VIL1: variants seen among roughly 807,000 people sequenced by gnomAD.
VIL1 encodes the protein villin 1.
A neutral mutation model predicts 104.0 loss-of-function variants in VIL1; 86 were observed. The ratio of observed to expected loss-of-function variants is 0.83; its 90% CI spans 0.69 to 0.99. The LOEUF is 0.99. Among genes scored for constraint, VIL1 ranks in the 50% least tolerant of loss-of-function variants. The pLI, the probability that VIL1 is intolerant of heterozygous loss-of-function variation, is 0.00. For synonymous variants in VIL1, 394 were observed against 412.6 expected, an observed-to-expected ratio of 0.95 and a Z score of 0.55; for missense variants, 944 against 1,054.1, an observed-to-expected ratio of 0.90 and a Z score of 1.45.
At chr2:218,436,753 G>A in intron 16 of VIL1, 127 bp downstream of exon 16, 2 of 1,215,284 alleles carry the variant, frequency 1.6e-6, no homozygotes, top group East Asian at 2.4e-5. Context: ...CCCTGGAAAT[G>A]GTATGAACAC....
rs755310139 is a variant in VIL1 at position 218,429,965 on chromosome 2, G to C, written c.948+18G>C. The stretch of plus-strand genomic sequence containing the variant: ...ATGCGCTGGTAGTGGTGGGGGCGGG[G>C]GAGGGTCCAGGAGGAGGGCAGAGTG... On this transcript the variant is annotated intron_variant, in intron 9 of 19. Transcript: ENST00000248444. 2.8e-6 allele frequency: 4 copies of C among 1,409,634 alleles called. No homozygotes were observed. Among genetic ancestry groups the C allele is most frequent in the Admixed American group, 3.4e-5 (2 of 59,138 alleles). The allele number at this position is 1,409,634 out of a possible 1,614,324, so 87.3% of individuals were successfully genotyped here.
Position 218,430,748 on chromosome 2 carries a change from C to G in VIL1, c.972C>G (p.Tyr324Ter), listed in dbSNP as rs766811954. ...HALNFIKAKQ[Y>*]PPSTQVEVQN... ...AGAACTTCATCAAAGCCAAGCAGTA[C>G]CCACCAAGCACACAGGTGGAGGTGC... is the stretch of plus-strand genomic sequence containing the variant. Residue 324 changes from tyrosine to a stop codon, truncating the protein, a stop_gained, in exon 10 of 20, where the codon TAC becomes TAG. Coordinates refer to ENST00000248444, the MANE Select transcript of VIL1 (RefSeq NM_007127.3). LOFTEE classifies it high-confidence loss of function. The G allele has an allele frequency of 2.4e-5, 38 of 1,606,858 alleles. 1 individual carries two copies. The South Asian group carries it at 4.1e-4, about 17-fold the overall frequency.
rs1392256688 is a variant in VIL1 at position 218,448,833 on chromosome 2, C to T, written c.2371-390C>T. Among the ~76,000 whole-genome samples the T allele has an allele frequency of 2.6e-5, 4 of 152,070 alleles. No individual in the cohort carries two copies. In the South Asian group the frequency reaches 6.2e-4, roughly 24 times the overall value. ...TAGCCTGGCCAACATGGTAAAATCC[C>T]GTCTCTACTAAAAACACAAAAGTTA... On this transcript the variant is annotated intron_variant, in intron 19 of 19. Transcript: ENST00000248444.
At position 218,428,417 on chromosome 2, in the gene VIL1, C is replaced by A. The variant is rs1464506970; in HGVS notation, c.567+80C>A. 8.9e-6 allele frequency: 11 copies of A among 1,241,528 alleles called. No individual in the cohort carries two copies. The African/African-American group carries it at 1.5e-4, about 17-fold the overall frequency. 76.9% of individuals were successfully genotyped at this position (1,241,528 alleles called of 1,614,324 possible). ...GCTCCTTTCCCCAGGCCTCTCCCCGCTGACTGCTGGGGACAGCATGTTTGA... is the reference window on the plus strand; with the variant it reads ...GCTCCTTTCCCCAGGCCTCTCCCCGATGACTGCTGGGGACAGCATGTTTGA... On this transcript the variant is annotated intron_variant, in intron 6 of 19. Transcript: ENST00000248444.
At chr2:218,421,696 T>C (rs1375345499) in intron 1 of VIL1, among the ~76,000 whole-genome samples, 2 of 152,152 alleles carry the variant, frequency 1.3e-5, no homozygotes, top group Non-Finnish European at 2.9e-5. Context: ...CTGTGGGGGC[T>C]GGCCCCAATC....
chr2:218,441,997 A>ATAC (rs1442612682), intron 19 of VIL1, among the ~76,000 whole-genome samples: 2 of 151,968 alleles, frequency 1.3e-5, no homozygotes, highest in African/African-American at 4.8e-5. Context: ...CAAAATGATA[A>ATAC]TAATAATAAT....
At chr2:218,419,603 C>G (rs1688866980) in intron 1 of VIL1, among the ~76,000 whole-genome samples, 1 of 152,238 alleles carries the variant, frequency 6.6e-6, no homozygotes, top group Non-Finnish European at 1.5e-5. Context: ...CACCATTCCT[C>G]TGACACTCCT....
chr2:218,447,594 A>G (rs969855340), intron 19 of VIL1, among the ~76,000 whole-genome samples: 8 of 152,156 alleles, frequency 5.3e-5, no homozygotes, highest in African/African-American at 1.9e-4. Context: ...TACTGGAATT[A>G]CAGACGTGAG....
At chr2:218,439,991 T>G (rs572110877) in intron 18 of VIL1, among the ~76,000 whole-genome samples, 1 of 152,104 alleles carries the variant, frequency 6.6e-6, no homozygotes, top group South Asian at 2.1e-4. Flanking sequence ...CAAGAGCAAG[T>G]TCACAAGCAC....
At chr2:218,419,948 G>A (rs1353394026) in intron 1 of VIL1, among the ~76,000 whole-genome samples, 1 of 152,206 alleles carries the variant, frequency 6.6e-6, no homozygotes, top group East Asian at 1.9e-4. Flanking sequence ...CTTGGCGGGT[G>A]TCCATTCCCT....
rs755015869 is a variant in VIL1 at position 218,424,246 on chromosome 2, G to T, written c.76-31G>T. The T allele has an allele frequency of 4.4e-6, 7 of 1,608,006 alleles. No homozygotes were observed. In the East Asian group the frequency reaches 1.3e-4, roughly 31 times the overall value. On this transcript the variant is annotated intron_variant, in intron 2 of 19. Coordinates refer to ENST00000248444, the MANE Select transcript of VIL1 (RefSeq NM_007127.3). Reference sequence around the variant, plus strand: ...GGCCTAGGGGTCCTGGTGGTCCAGGGCAGCCCCTCTGACCCTCTTTCTCTC... The same window carrying T: ...GGCCTAGGGGTCCTGGTGGTCCAGGTCAGCCCCTCTGACCCTCTTTCTCTC...
chr2:218,437,255 A>T lies in VIL1; in HGVS notation c.2103A>T (p.Gly701=). 6.2e-7 allele frequency: 1 copy of T among 1,614,166 alleles called. No homozygotes were observed. Among genetic ancestry groups the T allele is most frequent in the Non-Finnish European group, 8.5e-7 (1 of 1,180,030 alleles). ...CCCCCATCATTGTGGTGAAGCAGGG[A>T]CACGAGCCCCCCACCTTCACAGGCT... ...PETPIIVVKQ[G]HEPPTFTGWF... The change falls in exon 17 of 20, where the codon GGA becomes GGT. Residue 701 remains glycine (G), a synonymous_variant. Transcript: ENST00000248444.
Position 218,429,941 on chromosome 2 carries a change from T to C in VIL1, c.942T>C (p.His314=). 1 of 1,192,460 alleles carries C rather than the reference T, an allele frequency of 8.4e-7. No individual in the cohort carries two copies. The highest frequency in any genetic ancestry group is 1.2e-6 in the Non-Finnish European group (1 of 864,888). The allele number at this position is 1,192,460 out of a possible 1,614,324, so 73.9% of individuals were successfully genotyped here. A position where few individuals can be genotyped will look rare whatever the true frequency, so the allele number is the denominator to read the frequency against. The change falls in exon 9 of 20, where the codon CAT becomes CAC. Residue 314 remains histidine, a synonymous_variant. Coordinates refer to ENST00000248444, the MANE Select transcript of VIL1 (RefSeq NM_007127.3). ...AGGAGAAGAAGGGAGCCATGAGCCA[T>C]GCGCTGGTAGTGGTGGGGGCGGGGG... ...NEQEKKGAMS[H]ALNFIKAKQY...
chr2:218,429,964 G>A lies in VIL1; in HGVS notation c.948+17G>A. ...CATGCGCTGGTAGTGGTGGGGGCGG[G>A]GGAGGGTCCAGGAGGAGGGCAGAGT... is the stretch of plus-strand genomic sequence containing the variant. On this transcript the variant is annotated intron_variant, in intron 9 of 19. Transcript: ENST00000248444. The A allele has an allele frequency of 6.9e-7, 1 of 1,442,404 alleles. No individual in the cohort carries two copies. The highest frequency in any genetic ancestry group is 9.8e-7 in the Non-Finnish European group (1 of 1,024,382). 89.4% of individuals were successfully genotyped at this position (1,442,404 alleles called of 1,614,324 possible).
chr2:218,436,706 T>G, intron 16 of VIL1, 80 bp downstream of exon 16: 1 of 1,510,850 alleles, frequency 6.6e-7, no homozygotes, highest in South Asian at 1.3e-5. Flanking sequence ...TAAGGTTAGG[T>G]AAGTGTCAAT....
rs1689204736 is a variant in VIL1, at chr2:218,437,111, G to A, written c.1972-13G>A. The A allele has an allele frequency of 6.2e-7, 1 of 1,610,684 alleles. No homozygotes were observed. Among genetic ancestry groups the A allele is most frequent in the African/African-American group, 1.3e-5 (1 of 74,966 alleles). ...ACAGGAAGGATGGACTGATCCCCTG[G>A]GTTTCTCAATAGGTCTTCTTCTGGA... On this transcript the variant is annotated splice_polypyrimidine_tract_variant and intron_variant, in intron 16 of 19. Transcript: ENST00000248444.
In VIL1 at chr2:218,446,760, C is replaced by CTTTTTT. The variant is rs71064450; in HGVS notation, c.2371-2447_2371-2442dup. 1.8e-3 allele frequency among the ~76,000 whole-genome samples: 221 copies of CTTTTTT among 125,572 alleles called. 24 individuals carry two copies. Among genetic ancestry groups the CTTTTTT allele is most frequent in the African/African-American group, 7.3e-3 (190 of 25,884 alleles). 82.4% of individuals were successfully genotyped at this position (125,572 alleles called of 152,430 possible). On this transcript the variant is annotated intron_variant, in intron 19 of 19. Coordinates refer to ENST00000248444, the MANE Select transcript of VIL1 (RefSeq NM_007127.3). ...ATATGTTGTAATCAAGTGACCTTGACTTTTTTTTTTTTTTTTTTTTTGAGA... is the reference window on the plus strand; with the variant it reads ...ATATGTTGTAATCAAGTGACCTTGACTTTTTTTTTTTTTTTTTTTTTTTTTTTGAGA...
chr2:218,427,171 C>T (rs1689015745), intron 4 of VIL1, among the ~76,000 whole-genome samples: 1 of 152,234 alleles, frequency 6.6e-6, no homozygotes, highest in African/African-American at 2.4e-5. Context: ...TAATTAGCCA[C>T]AGTTCCCACT....
At position 218,451,743 on chromosome 2, in the gene VIL1, TC is replaced by T. The variant is rs1689485766; in HGVS notation, c.*2408del. The T allele has an allele frequency of 6.6e-6, 1 of 152,544 alleles. No individual in the cohort carries two copies. Among genetic ancestry groups the T allele is most frequent in the East Asian group, 1.9e-4 (1 of 5,200 alleles). The allele number at this position is 152,544 out of a possible 1,614,324, so 9.4% of individuals were successfully genotyped here. ...TAAATGTGTAGTCTAACATTTGCTT[TC>T]TGGAGTTAATTAACTGATCTGTAAG... On this transcript the variant is annotated 3_prime_UTR_variant, in exon 20 of 20. Transcript: ENST00000248444.
Sources: allele counts gnomAD v4.1 joint callset (sites outside exome capture counted in the v4.1 genomes callset), GRCh38; gene constraint gnomAD v4.1.1; transcripts MANE v1.5; gene names NCBI Gene and HGNC (gene_info 2026-07-23, HGNC 2026-07-21).